The following ZFYVE9 variants were observed in gnomAD, a reference collection of about 807,000 sequenced individuals.
ZFYVE9 encodes zinc finger FYVE-type containing 9, also known as zinc finger FYVE domain-containing protein 9.
A neutral mutation model predicts 126.7 loss-of-function variants in ZFYVE9; 43 were observed. The ratio of observed to expected loss-of-function variants is 0.34; its 90% CI spans 0.27 to 0.44. The LOEUF is 0.44. Among genes scored for constraint, ZFYVE9 ranks in the 20% least tolerant of loss-of-function variants. The pLI, the probability that ZFYVE9 is intolerant of heterozygous loss-of-function variation, is 1.00. For synonymous variants in ZFYVE9, 521 were observed against 597.4 expected, an observed-to-expected ratio of 0.87 and a Z score of 1.87; for missense variants, 1,476 against 1,697.0, an observed-to-expected ratio of 0.87 and a Z score of 2.29.
At chr1:52,164,638 G>GTCCGTCCATCCGTCCATCCATCCA (rs1644496170) in intron 1 of ZFYVE9, among the ~76,000 whole-genome samples, 1 of 151,618 alleles carries the variant, frequency 6.6e-6, no homozygotes, top group African/African-American at 2.4e-5. Context: ...ATCTTTGTCC[G>GTCCGTCCATCCGTCCATCCATCCA]TCCGTCCATC....
intron 7 of ZFYVE9, among the ~76,000 whole-genome samples, chr1:52,270,837 T>C (rs2147805394): frequency 6.6e-6 from 1 of 152,242 alleles, no homozygotes; most frequent in African/African-American, 2.4e-5. Flanking sequence ...TAAACATTTT[T>C]TGGCAGTAAT....
intron 17 of ZFYVE9, among the ~76,000 whole-genome samples, chr1:52,342,330 A>G (rs1378815367): frequency 1.3e-5 from 2 of 150,782 alleles, no homozygotes; most frequent in South Asian, 2.1e-4. Flanking sequence ...CAGTGGCGCA[A>G]TCTCGGCTCA....
At position 52,238,018 on chromosome 1, in the gene ZFYVE9, G is replaced by A; in HGVS notation, c.601G>A (p.Glu201Lys). 6.2e-7 allele frequency: 1 copy of A among 1,613,910 alleles called. No homozygotes were observed. Among genetic ancestry groups the A allele is most frequent in the Non-Finnish European group, 8.5e-7 (1 of 1,179,950 alleles). The change falls in exon 4 of 19, where the codon GAG (glutamate) becomes AAG (lysine). Residue 201 changes from glutamate (E) to lysine (K), a missense_variant. Coordinates refer to ENST00000287727, the MANE Select transcript of ZFYVE9 (RefSeq NM_004799.4). ...TGATCAATTTAGTTTTAGTATAAAT[G>A]AGTCCACTGAAAAAGATATGAATTC... ...QTDQFSFSIN[E>K]STEKDMNSEK...
chr1:52,316,424 G>A (rs537423760), intron 13 of ZFYVE9, among the ~76,000 whole-genome samples: 1 of 150,204 alleles, frequency 6.7e-6, no homozygotes, highest in East Asian at 2.0e-4. Context: ...GGTGGAGGTT[G>A]CACTGAGCCG....
Position 52,258,468 on chromosome 1 carries a change from C to T in ZFYVE9, c.2179-5305C>T, listed in dbSNP as rs139102996. 4.2e-3 allele frequency among the ~76,000 whole-genome samples: 596 copies of T among 141,666 alleles called. 6 individuals carry two copies. The highest frequency in any genetic ancestry group is 6.3e-3 in the Non-Finnish European group (402 of 63,640). The allele number at this position is 141,666 out of a possible 152,430, so 92.9% of individuals were successfully genotyped here. A position where few individuals can be genotyped will look rare whatever the true frequency, so the allele number is the denominator to read the frequency against. Reference sequence around the variant, plus strand: ...CATACCAAGACTGCTAAACATCTTGCTATGCCCAGGACAGTACTGTCCTAT... The same window carrying T: ...CATACCAAGACTGCTAAACATCTTGTTATGCCCAGGACAGTACTGTCCTAT... On this transcript the variant is annotated intron_variant, in intron 4 of 18. Coordinates refer to ENST00000287727, the MANE Select transcript of ZFYVE9 (RefSeq NM_004799.4).
intron 1 of ZFYVE9, among the ~76,000 whole-genome samples, chr1:52,193,330 G>A (rs1644831796): frequency 6.7e-6 from 1 of 148,612 alleles, no homozygotes; most frequent in Non-Finnish European, 1.5e-5. Flanking sequence ...AATGGATACA[G>A]GTAATTAATT....
At chr1:52,275,602 T>G (rs761264969) in intron 8 of ZFYVE9, among the ~76,000 whole-genome samples, 44 of 152,318 alleles carry the variant, frequency 2.9e-4, no homozygotes, top group Non-Finnish European at 5.7e-4. Context: ...TGAGTTGATA[T>G]CTCATTGTGG....
At chr1:52,219,898 C>T (rs1014337850) in intron 2 of ZFYVE9, among the ~76,000 whole-genome samples, 1 of 151,778 alleles carries the variant, frequency 6.6e-6, no homozygotes, top group Non-Finnish European at 1.5e-5. Context: ...CTGCCTTGGC[C>T]TCCTGAGTAG....
At chr1:52,176,046 C>T (rs12096110) in intron 1 of ZFYVE9, among the ~76,000 whole-genome samples, 8 of 152,318 alleles carry the variant, frequency 5.3e-5, no homozygotes, top group South Asian at 4.1e-4. Context: ...TGAGGAACTG[C>T]GTTCCTTTGG....
At chr1:52,143,497 A>G (rs1228068848) in intron 1 of ZFYVE9, among the ~76,000 whole-genome samples, 2 of 152,146 alleles carry the variant, frequency 1.3e-5, no homozygotes, top group East Asian at 3.8e-4. Context: ...ATTGTAGAAA[A>G]CTTGGGAATT....
In ZFYVE9 at chr1:52,233,210, G is replaced by A; in HGVS notation, c.4G>A (p.Glu2Lys). The change falls in exon 3 of 19, where the codon GAG (glutamate) becomes AAG (lysine). Residue 2 changes from glutamate (E) to lysine (K), a missense_variant. Transcript: ENST00000287727. M[E>K]NYFQAEAYNL... ...CTTAAGTGGTGTTTCCTCACCGATGGAGAATTACTTCCAAGCAGAAGCTTA... is the reference window on the plus strand; with the variant it reads ...CTTAAGTGGTGTTTCCTCACCGATGAAGAATTACTTCCAAGCAGAAGCTTA... 3.2e-6 allele frequency: 5 copies of A among 1,576,344 alleles called. No individual in the cohort carries two copies. Among genetic ancestry groups the A allele is most frequent in the Non-Finnish European group, 4.3e-6 (5 of 1,158,374 alleles).
chr1:52,288,989 G>A (rs1287872475), intron 10 of ZFYVE9, among the ~76,000 whole-genome samples: 2 of 150,932 alleles, frequency 1.3e-5, no homozygotes, highest in Non-Finnish European at 2.9e-5. Flanking sequence ...TGAACCATTT[G>A]CTTGGAAATG....
chr1:52,293,010 C>T (rs905627937), intron 10 of ZFYVE9, among the ~76,000 whole-genome samples: 8 of 152,036 alleles, frequency 5.3e-5, no homozygotes, highest in Non-Finnish European at 8.8e-5. Context: ...AAATGTAAGT[C>T]TTTCATAGTG....
chr1:52,339,571 G>A (rs149236305), intron 16 of ZFYVE9, among the ~76,000 whole-genome samples: 18 of 152,218 alleles, frequency 1.2e-4, no homozygotes, highest in Non-Finnish European at 1.8e-4. Context: ...GATTACAGGC[G>A]TGAGCCACCA....
Position 52,306,062 on chromosome 1 carries a change from C to T in ZFYVE9, c.3438+2137C>T, listed in dbSNP as rs562942036. ...TTCCTGAGCAGAAGAGGCCAGGTCC[C>T]CGATGAGGTTCCACCTTCAGGCTAG... On this transcript the variant is annotated intron_variant, in intron 13 of 18. Transcript: ENST00000287727. Among the ~76,000 whole-genome samples the T allele has an allele frequency of 2.0e-5, 3 of 152,274 alleles. No individual in the cohort carries two copies. The South Asian group carries it at 6.2e-4, about 32-fold the overall frequency.
At chr1:52,171,021 T>C (rs1644562947) in intron 1 of ZFYVE9, among the ~76,000 whole-genome samples, 1 of 152,028 alleles carries the variant, frequency 6.6e-6, no homozygotes, top group South Asian at 2.1e-4. Flanking sequence ...TTAATTATAC[T>C]TTAAGTTTTA....
chr1:52,180,446 T>A, intron 1 of ZFYVE9: 1 of 1,295,262 alleles, frequency 7.7e-7, no homozygotes, highest in Non-Finnish European at 1.1e-6. Context: ...CTGGAGCAAT[T>A]AAGAGGGACC....
chr1:52,304,112 T>C (rs572979231), intron 13 of ZFYVE9, among the ~76,000 whole-genome samples, 187 bp downstream of exon 13: 10 of 152,178 alleles, frequency 6.6e-5, no homozygotes, highest in Non-Finnish European at 1.3e-4. Context: ...TCTGACCTAG[T>C]GGTTCATTGG....
intron 1 of ZFYVE9, among the ~76,000 whole-genome samples, chr1:52,151,658 G>A (rs545917680): frequency 6.6e-6 from 1 of 151,800 alleles, no homozygotes; most frequent in East Asian, 1.9e-4. Flanking sequence ...TGGGACTACA[G>A]GCACCCACCA....
Sources: allele counts gnomAD v4.1 joint callset (sites outside exome capture counted in the v4.1 genomes callset), GRCh38; gene constraint gnomAD v4.1.1; transcripts MANE v1.5; gene names NCBI Gene and HGNC (gene_info 2026-07-23, HGNC 2026-07-21).